The following PADI1 variants were observed in gnomAD, a reference collection of about 807,000 sequenced individuals.
The protein encoded by PADI1 is protein-arginine deiminase type-1.
In PADI1, 65 loss-of-function variants were observed where a neutral mutation model predicts 74.8. That is an observed-to-expected ratio of 0.87 (90% CI 0.71 to 1.07). PADI1 has a LOEUF of 1.07. Among genes scored for constraint, PADI1 ranks in the 50% least tolerant of loss-of-function variants. The probability of loss-of-function intolerance (pLI) is 0.00; values close to 1 mark genes in which losing one functional copy is unlikely to be tolerated. For missense variants in PADI1, 943 were observed against 854.0 expected, an observed-to-expected ratio of 1.10 and a Z score of -1.30; for synonymous variants, 371 against 336.2, an observed-to-expected ratio of 1.10 and a Z score of -1.13.
At chr1:17,232,239 C>G (rs554284663) in intron 10 of PADI1, among the ~76,000 whole-genome samples, 1 of 152,280 alleles carries the variant, frequency 6.6e-6, no homozygotes, top group Admixed American at 6.5e-5. Context: ...AGCCACCACG[C>G]CTGGCCTACT....
chr1:17,231,377 G>T (rs910930874), intron 10 of PADI1, among the ~76,000 whole-genome samples: 1 of 152,206 alleles, frequency 6.6e-6, no homozygotes, highest in Non-Finnish European at 1.5e-5. Flanking sequence ...CCTGCACTCA[G>T]CCTCGAGGCT....
At chr1:17,225,031 A>G (rs1402103387) in intron 4 of PADI1, among the ~76,000 whole-genome samples, 13 of 152,172 alleles carry the variant, frequency 8.5e-5, no homozygotes, top group Admixed American at 8.5e-4. Context: ...TTCACTGCAC[A>G]AGACTGCTTG....
Position 17,230,122 on chromosome 1 carries a change from G to A in PADI1, c.967G>A (p.Glu323Lys). 6.2e-7 allele frequency: 1 copy of A among 1,614,020 alleles called. No homozygotes were observed. Among genetic ancestry groups the A allele is most frequent in the Non-Finnish European group, 8.5e-7 (1 of 1,179,886 alleles). The stretch of plus-strand genomic sequence containing the variant: ...TCATGGCTCCAATGAGAAATTCCTG[G>A]AGGACATGTCTTATCTGACATTGAA... ...DTHGSNEKFL[E>K]DMSYLTLKAN... The change falls in exon 9 of 16, where the codon GAG (glutamate) becomes AAG (lysine). Residue 323 changes from glutamate to lysine, a missense_variant. Physicochemically the swap from Glu to Lys is moderately conservative, Grantham distance 56 (BLOSUM62 1). Transcript: ENST00000375471.
Position 17,244,208 on chromosome 1 carries a change from C to A in PADI1, c.1957C>A (p.Pro653Thr). The change falls in exon 16 of 16, where the codon CCC becomes ACC. Residue 653 changes from proline to threonine, a missense_variant. Physicochemically the swap from Pro to Thr is conservative, Grantham distance 38. Coordinates refer to ENST00000375471, the MANE Select transcript of PADI1 (RefSeq NM_013358.3). ...CTGTGGCACCAACGTGCGCAGGAAGCCCTTTCCCTTCAAATGGTGGAACAT... is the reference window on the plus strand; with the variant it reads ...CTGTGGCACCAACGTGCGCAGGAAGACCTTTCCCTTCAAATGGTGGAACAT... The part of the protein sequence containing the change: ...IHCGTNVRRK[P>T]FPFKWWNMVP The A allele has an allele frequency of 1.2e-6, 2 of 1,614,134 alleles. No homozygotes were observed. Among genetic ancestry groups the A allele is most frequent in the Non-Finnish European group, 1.7e-6 (2 of 1,179,966 alleles).
At position 17,228,993 on chromosome 1, in the gene PADI1, A is replaced by G. The variant is rs900209780; in HGVS notation, c.871A>G (p.Met291Val). The G allele has an allele frequency of 1.9e-6, 3 of 1,597,298 alleles. No individual in the cohort carries two copies. The highest frequency in any genetic ancestry group is 3.5e-5 in the Admixed American group (2 of 57,464). Residue 291 changes from methionine to valine, a missense_variant, in exon 8 of 16, where the codon ATG becomes GTG. By Grantham distance (21) the Met-to-Val change is conservative. Coordinates refer to ENST00000375471, the MANE Select transcript of PADI1 (RefSeq NM_013358.3). The part of the protein sequence containing the change: ...TLFTDTVGFR[M>V]APWIMTPNTQ... ...CTTCACAGACACTGTGGGCTTCCGC[A>G]TGGCCCCCTGGATCATGACGCCCAA... is the stretch of plus-strand genomic sequence containing the variant.
chr1:17,232,873 C>CT lies in PADI1; in HGVS notation c.1218dup (p.Asp407Ter), dbSNP rs2072533770. 1 of 1,613,580 alleles carries CT rather than the reference C, an allele frequency of 6.2e-7. No individual in the cohort carries two copies. Among genetic ancestry groups the CT allele is most frequent in the African/African-American group, 1.3e-5 (1 of 74,858 alleles). On this transcript the variant is annotated frameshift_variant, in exon 11 of 16. Coordinates refer to ENST00000375471, the MANE Select transcript of PADI1 (RefSeq NM_013358.3). LOFTEE classifies it high-confidence loss of function. Reference sequence around the variant, plus strand: ...GATCCCGCTCCCTGGTCCCTCCAGCCTTGACTCCTTCGGCAACCTGGACGT... The same window carrying CT: ...GATCCCGCTCCCTGGTCCCTCCAGCCTTTGACTCCTTCGGCAACCTGGACGT...
In PADI1 at chr1:17,228,691, G is replaced by C. The variant is rs781378566; in HGVS notation, c.719G>C (p.Arg240Pro). Residue 240 changes from arginine to proline, a missense_variant, in exon 7 of 16, where the codon CGA becomes CCA. Physicochemically the swap from Arg to Pro is moderately radical, Grantham distance 103 (BLOSUM62 -2). Coordinates refer to ENST00000375471, the MANE Select transcript of PADI1 (RefSeq NM_013358.3). ...GPQCLSYEVE[R>P]QPGEQEIKFY... The stretch of plus-strand genomic sequence containing the variant: ...CAGTGTCTGTCCTATGAAGTTGAGC[G>C]ACAGCCAGGGGAGCAGGAGATCAAG... The C allele has an allele frequency of 3.1e-6, 5 of 1,614,094 alleles. No individual in the cohort carries two copies. In the South Asian group the frequency reaches 5.5e-5, roughly 18 times the overall value.
At chr1:17,239,037 CA>C (rs2072717728) in intron 13 of PADI1, among the ~76,000 whole-genome samples, 1 of 152,222 alleles carries the variant, frequency 6.6e-6, no homozygotes, top group Non-Finnish European at 1.5e-5. Flanking sequence ...TTGGCTTGGA[CA>C]GGGCTATGCA....
chr1:17,231,931 A>T (rs1030488180), intron 10 of PADI1, among the ~76,000 whole-genome samples: 1 of 139,646 alleles, frequency 7.2e-6, no homozygotes, highest in Admixed American at 6.9e-5. Context: ...TTCCTAAAAA[A>T]AACACGTGTT....
In PADI1 at chr1:17,232,912, A is replaced by G. The variant is rs938940275; in HGVS notation, c.1255A>G (p.Thr419Ala). The change falls in exon 11 of 16, where the codon ACG (threonine) becomes GCG (alanine). Residue 419 changes from threonine (T) to alanine (A), a missense_variant. Thr to Ala is a moderately conservative substitution (Grantham distance 58). Coordinates refer to ENST00000375471, the MANE Select transcript of PADI1 (RefSeq NM_013358.3). ...CAACCTGGACGTCAGCCCGCCCGTC[A>G]CGGTGGGCGGCACGGAATACCCCCT... ...FGNLDVSPPV[T>A]VGGTEYPLGR... is the part of the protein sequence containing the mutation. 24 of 1,612,830 alleles carry G rather than the reference A, an allele frequency of 1.5e-5. No homozygotes were observed. The highest frequency in any genetic ancestry group is 8.5e-7 in the Non-Finnish European group (1 of 1,179,846).
Position 17,225,490 on chromosome 1 carries a change from C to T in PADI1, c.409-321C>T, listed in dbSNP as rs139367493. On this transcript the variant is annotated intron_variant, in intron 4 of 15. Coordinates refer to ENST00000375471, the MANE Select transcript of PADI1 (RefSeq NM_013358.3). ...ATGGCAGGCAGCCTCTGCCCACCCC[C>T]GCCCCACAGGCAGAGCTAAAGCTTA... Among the ~76,000 whole-genome samples the T allele has an allele frequency of 1.2e-3, 190 of 152,270 alleles. 1 individual carries two copies. The highest frequency in any genetic ancestry group is 4.2e-3 in the African/African-American group (174 of 41,546).
chr1:17,222,817 G>A lies in PADI1; in HGVS notation c.273+347G>A, dbSNP rs929732126. On this transcript the variant is annotated intron_variant, in intron 2 of 15. Coordinates refer to ENST00000375471, the MANE Select transcript of PADI1 (RefSeq NM_013358.3). Reference sequence around the variant, plus strand: ...CCAGTGCTCTCGTGTGGGCAGGACCGCACAACAACAACCCGTGCAGGTGCA... The same window carrying A: ...CCAGTGCTCTCGTGTGGGCAGGACCACACAACAACAACCCGTGCAGGTGCA... Among the ~76,000 whole-genome samples, 6 of 152,204 alleles carry A rather than the reference G, an allele frequency of 3.9e-5. No homozygotes were observed. The South Asian group carries it at 6.2e-4, about 16-fold the overall frequency.
intron 1 of PADI1, among the ~76,000 whole-genome samples, chr1:17,220,520 A>G (rs998775102): frequency 1.3e-5 from 2 of 152,162 alleles, no homozygotes; most frequent in Non-Finnish European, 2.9e-5. Context: ...ACTATGGGCC[A>G]GACACTGTTA....
chr1:17,206,828 C>G lies in PADI1; in HGVS notation c.92+1519C>G, dbSNP rs770794939. 4.2e-4 allele frequency among the ~76,000 whole-genome samples: 64 copies of G among 151,674 alleles called. 1 individual carries two copies. The highest frequency in any genetic ancestry group is 2.7e-4 in the Non-Finnish European group (18 of 67,902). On this transcript the variant is annotated intron_variant, in intron 1 of 15. Coordinates refer to ENST00000375471, the MANE Select transcript of PADI1 (RefSeq NM_013358.3). ...TCCAGAGTAGCTGGGATAACAGGAACCCACCATCACACTCGGCTAATTTTG... is the reference window on the plus strand; with the variant it reads ...TCCAGAGTAGCTGGGATAACAGGAAGCCACCATCACACTCGGCTAATTTTG...
intron 11 of PADI1, 116 bp from the exon 12 acceptor site, chr1:17,237,198 G>T (rs1409500432): frequency 3.2e-6 from 4 of 1,239,474 alleles, no homozygotes; most frequent in Non-Finnish European, 4.5e-6. Flanking sequence ...TACGCCCCAC[G>T]TTTAAAGCGT....
At chr1:17,237,580 C>A in intron 12 of PADI1, 122 bp downstream of exon 12, 1 of 971,332 alleles carries the variant, frequency 1.0e-6, no homozygotes, top group Non-Finnish European at 1.4e-6. Context: ...TGGATTGGGA[C>A]ATTTTCTGGG....
chr1:17,238,434 G>A (rs1020050395), intron 12 of PADI1, among the ~76,000 whole-genome samples, 182 bp from the exon 13 acceptor site: 1 of 152,228 alleles, frequency 6.6e-6, no homozygotes, highest in South Asian at 2.1e-4. Flanking sequence ...ACAAAGTTCT[G>A]GAGGTGGGAA....
chr1:17,223,579 C>T, intron 2 of PADI1, 42 bp from the exon 3 acceptor site: 1 of 1,535,186 alleles, frequency 6.5e-7, no homozygotes, highest in Non-Finnish European at 9.0e-7. Flanking sequence ...TCCGCCATCT[C>T]TGAAGGTGAT....
chr1:17,241,367 G>A (rs181424495), intron 15 of PADI1, among the ~76,000 whole-genome samples: 191 of 152,400 alleles, frequency 1.3e-3, no homozygotes, highest in African/African-American at 4.5e-3. Context: ...TTGGCAGCTG[G>A]CAGGGATGGT....
Sources: allele counts gnomAD v4.1 joint callset (sites outside exome capture counted in the v4.1 genomes callset), GRCh38; gene constraint gnomAD v4.1.1; transcripts MANE v1.5; gene names NCBI Gene and HGNC (gene_info 2026-07-23, HGNC 2026-07-21).